Variants in FOXO3 observed in about 807,000 individuals in gnomAD.
FOXO3 encodes the protein forkhead box protein O3.
A neutral mutation model predicts 41.9 loss-of-function variants in FOXO3; 4 were observed. The observed-to-expected ratio is 0.10, with a 90% CI of 0.05 to 0.22. The LOEUF (loss-of-function observed/expected upper bound fraction) is 0.22. Among genes scored for constraint, FOXO3 ranks in the 10% least tolerant of loss-of-function variants. The probability of loss-of-function intolerance (pLI) is 1.00; values close to 1 mark genes in which losing one functional copy is unlikely to be tolerated. For missense variants in FOXO3, 534 were observed against 906.8 expected (o/e 0.59, Z 5.28); for synonymous variants, 318 against 389.3 (o/e 0.82, Z 2.16).
At position 108,663,674 on chromosome 6, in the gene FOXO3, G is replaced by A. The variant is rs1208390464; in HGVS notation, c.841G>A (p.Ala281Thr). ...KAALQTAPES[A>T]DDSPSQLSKW... The stretch of plus-strand genomic sequence containing the variant: ...AGCCCTGCAGACAGCCCCCGAATCA[G>A]CTGACGACAGTCCCTCCCAGCTCTC... Residue 281 changes from alanine to threonine, a missense_variant, in exon 2 of 3, where the codon GCT becomes ACT. Coordinates refer to ENST00000406360, the MANE Select transcript of FOXO3 (RefSeq NM_001455.4). 8 of 1,612,960 alleles carry A rather than the reference G, an allele frequency of 5.0e-6. No homozygotes were observed. The Admixed American group carries it at 1.0e-4, about 20-fold the overall frequency.
At chr6:108,677,710 C>A (rs1057158268) in intron 2 of FOXO3, among the ~76,000 whole-genome samples, 5 of 152,114 alleles carry the variant, frequency 3.3e-5, no homozygotes, top group East Asian at 1.9e-4. Flanking sequence ...GGGGAAAAAA[C>A]CAAATCCTCT....
intron 1 of FOXO3, among the ~76,000 whole-genome samples, chr6:108,568,149 A>G (rs1775996184): frequency 6.6e-6 from 1 of 150,622 alleles, no homozygotes; most frequent in South Asian, 2.1e-4. Context: ...GGAGTTTGAG[A>G]CTGCAGTGAG....
chr6:108,670,283 T>G (rs1343494056), intron 2 of FOXO3, among the ~76,000 whole-genome samples: 1 of 152,086 alleles, frequency 6.6e-6, no homozygotes, highest in African/African-American at 2.4e-5. Flanking sequence ...TCACCCTGGT[T>G]TTGTTGATGT....
chr6:108,602,102 G>A (rs1049269991), intron 1 of FOXO3, among the ~76,000 whole-genome samples: 2 of 151,980 alleles, frequency 1.3e-5, no homozygotes, highest in African/African-American at 4.8e-5. Flanking sequence ...GGTTGTTAAG[G>A]GTTTTTCCCC....
upstream of FOXO3, chr6:108,560,801 T>A: frequency 2.9e-6 from 1 of 344,904 alleles, no homozygotes; most frequent in Non-Finnish European, 4.8e-6. Flanking sequence ...CTCCCCCTTC[T>A]CCCCGCCCCG....
chr6:108,617,969 G>T, intron 1 of FOXO3: 1 of 541,990 alleles, frequency 1.8e-6, no homozygotes. Context: ...TGCGAGAACA[G>T]AGTTCTGGAA....
chr6:108,585,921 G>C (rs1776568590), intron 1 of FOXO3, among the ~76,000 whole-genome samples: 1 of 152,128 alleles, frequency 6.6e-6, no homozygotes, highest in Admixed American at 6.5e-5. Flanking sequence ...TCTCCTTCAA[G>C]GGTACATGGA....
In FOXO3 at chr6:108,683,818, A is replaced by G. The variant is rs1265238760; in HGVS notation, c.*4026A>G. On this transcript the variant is annotated 3_prime_UTR_variant, in exon 3 of 3. Transcript: ENST00000406360. ...ATGATTAGGCATAATGTTAAAAAAA[A>G]AAATTTTTTTTTGGTAGAAATGCAA... 6.8e-6 allele frequency: 1 copy of G among 146,474 alleles called. No individual in the cohort carries two copies. The highest frequency in any genetic ancestry group is 1.5e-5 in the Non-Finnish European group (1 of 68,010). 9.1% of individuals were successfully genotyped at this position (146,474 alleles called of 1,614,324 possible). A position where few individuals can be genotyped will look rare whatever the true frequency, so the allele number is the denominator to read the frequency against.
rs111247065 is a variant in FOXO3 at position 108,668,075 on chromosome 6, T to G, written c.*34+3186T>G. 7.0e-4 allele frequency among the ~76,000 whole-genome samples: 107 copies of G among 152,348 alleles called. 1 individual carries two copies. Among genetic ancestry groups the G allele is most frequent in the African/African-American group, 2.4e-3 (99 of 41,586 alleles). ...CTCTGACACCCTGCTTCTCTCAAAT[T>G]AACTGTCCCAGCTTCCCAAGAGTTG... On this transcript the variant is annotated intron_variant, in intron 2 of 2. Coordinates refer to ENST00000406360, the MANE Select transcript of FOXO3 (RefSeq NM_001455.4).
chr6:108,572,703 A>G (rs1582733738), intron 1 of FOXO3, among the ~76,000 whole-genome samples: 1 of 152,168 alleles, frequency 6.6e-6, no homozygotes. Context: ...TCTACACAAG[A>G]CATTTTCTAG....
chr6:108,581,605 A>G (rs1030186233), intron 1 of FOXO3, among the ~76,000 whole-genome samples: 1 of 152,200 alleles, frequency 6.6e-6, no homozygotes, highest in Non-Finnish European at 1.5e-5. Flanking sequence ...GAACCACTGC[A>G]GTTCTTTCTA....
intron 1 of FOXO3, among the ~76,000 whole-genome samples, chr6:108,636,818 G>A (rs1778133662): frequency 6.6e-6 from 1 of 152,158 alleles, no homozygotes; most frequent in African/African-American, 2.4e-5. Context: ...CATGTTCTGT[G>A]TCCATCCAGC....
intron 1 of FOXO3, among the ~76,000 whole-genome samples, chr6:108,638,795 A>C (rs1383075604): frequency 6.6e-6 from 1 of 152,174 alleles, no homozygotes; most frequent in East Asian, 1.9e-4. Flanking sequence ...CAAGGTATAG[A>C]GCTGTTTTAA....
chr6:108,609,604 A>G (rs1777301259), intron 1 of FOXO3, among the ~76,000 whole-genome samples: 1 of 152,186 alleles, frequency 6.6e-6, no homozygotes, highest in Non-Finnish European at 1.5e-5. Context: ...TGAGCATCAG[A>G]TAGGCCTGTG....
At chr6:108,568,914 T>A (rs1776017291) in intron 1 of FOXO3, among the ~76,000 whole-genome samples, 1 of 151,760 alleles carries the variant, frequency 6.6e-6, no homozygotes, top group Admixed American at 6.5e-5. Flanking sequence ...AGCCTGATCT[T>A]GGGATGACCT....
chr6:108,621,524 T>G lies in FOXO3; in HGVS notation c.622-41931T>G, dbSNP rs1410453355. Among the ~76,000 whole-genome samples, 3 of 151,424 alleles carry G rather than the reference T, an allele frequency of 2.0e-5. No individual in the cohort carries two copies. The East Asian group carries it at 5.8e-4, about 29-fold the overall frequency. ...TGTAGTGAAAAATTGTTGGGATGAG[T>G]CTTTCACCATGTTAGTGTTTTTTTT... is the stretch of plus-strand genomic sequence containing the variant. On this transcript the variant is annotated intron_variant, in intron 1 of 2. Transcript: ENST00000406360.
chr6:108,561,837 C>T lies in FOXO3; in HGVS notation c.621+8C>T. On this transcript the variant is annotated splice_region_variant and intron_variant, in intron 1 of 2. Coordinates refer to ENST00000406360, the MANE Select transcript of FOXO3 (RefSeq NM_001455.4). ...AGCTCTGCCGGCTGGAAGGTGCGTA[C>T]CCACCCCGGGCTGGCAGCAGGACCC... 6.5e-7 allele frequency: 1 copy of T among 1,543,016 alleles called. No individual in the cohort carries two copies. The highest frequency in any genetic ancestry group is 8.7e-7 in the Non-Finnish European group (1 of 1,145,568).
At chr6:108,615,584 G>A (rs1292840608) in intron 1 of FOXO3, among the ~76,000 whole-genome samples, 1 of 151,266 alleles carries the variant, frequency 6.6e-6, no homozygotes, top group Non-Finnish European at 1.5e-5. Flanking sequence ...AGTTTGTTGA[G>A]TTTTTCTTGG....
chr6:108,604,827 G>A (rs958955944), intron 1 of FOXO3, among the ~76,000 whole-genome samples: 8 of 152,138 alleles, frequency 5.3e-5, no homozygotes, highest in African/African-American at 1.9e-4. Flanking sequence ...CTTCACGTGG[G>A]GCATCTGAAT....
Sources: allele counts gnomAD v4.1 joint callset (sites outside exome capture counted in the v4.1 genomes callset), GRCh38; gene constraint gnomAD v4.1.1; transcripts MANE v1.5; gene names NCBI Gene and HGNC (gene_info 2026-07-23, HGNC 2026-07-21).